Variants in FCHO2 observed in about 807,000 individuals in gnomAD.
FCHO2 encodes the protein F-BAR domain only protein 2.
A neutral mutation model predicts 114.1 loss-of-function variants in FCHO2; 43 were observed. That is an observed-to-expected ratio of 0.38 (90% confidence interval 0.30 to 0.49). The LOEUF (loss-of-function observed/expected upper bound fraction) is 0.49. FCHO2 is among the 20% of genes least tolerant of loss of function. The pLI, the probability that FCHO2 is intolerant of heterozygous loss-of-function variation, is 0.97. For missense variants in FCHO2, 807 were observed against 950.4 expected, an observed-to-expected ratio of 0.85 and a Z score of 1.98; for synonymous variants, 293 against 315.2, an observed-to-expected ratio of 0.93 and a Z score of 0.75.
chr5:73,054,323 G>A (rs7717484), intron 14 of FCHO2, among the ~76,000 whole-genome samples, 152 bp downstream of exon 14: 2,041 of 152,068 alleles, frequency 0.013, 58 homozygotes, highest in African/African-American at 0.047. Flanking sequence ...AAAACATTAG[G>A]TGTTAAAACT....
intron 2 of FCHO2, among the ~76,000 whole-genome samples, chr5:72,978,328 C>G (rs1398536260): frequency 6.6e-6 from 1 of 152,144 alleles, no homozygotes; most frequent in East Asian, 1.9e-4. Context: ...CTTCACATCT[C>G]TTGTAAGTTG....
Position 73,052,341 on chromosome 5 carries a change from A to C in FCHO2, c.1007A>C (p.Glu336Ala), listed in dbSNP as rs543220430. Reference protein sequence around the residue: ...KPETNQNDTKENHFYSSSDSD... With the variant: ...KPETNQNDTKANHFYSSSDSD... ...TTTAACTGAAACTCACATACCAAAG[A>C]GAACCATTTCTACTCATCTAGTGAT... Residue 336 changes from glutamate (E) to alanine (A), a missense_variant, in exon 13 of 26, where the codon GAG becomes GCG. Glu to Ala is a moderately radical substitution (Grantham distance 107). Coordinates refer to ENST00000430046, the MANE Select transcript of FCHO2 (RefSeq NM_138782.3). 1.2e-6 allele frequency: 2 copies of C among 1,606,198 alleles called. No individual in the cohort carries two copies. Among genetic ancestry groups the C allele is most frequent in the Non-Finnish European group, 1.7e-6 (2 of 1,176,536 alleles).
chr5:72,990,376 A>G, intron 3 of FCHO2, 102 bp from the exon 4 acceptor site: 1 of 809,216 alleles, frequency 1.2e-6, no homozygotes, highest in Non-Finnish European at 1.9e-6. Context: ...GCCTAAATAA[A>G]GTTGCCATAT....
intron 1 of FCHO2, 100 bp from the exon 2 acceptor site, chr5:72,968,398 C>G (rs1474695679): frequency 4.0e-6 from 3 of 745,066 alleles, no homozygotes; most frequent in Non-Finnish European, 6.1e-6. Context: ...AAACACCTCA[C>G]CTGAGCACAG....
intron 1 of FCHO2, among the ~76,000 whole-genome samples, chr5:72,966,215 A>C (rs1031560624): frequency 3.3e-5 from 5 of 152,222 alleles, no homozygotes. Context: ...CTGTTTCTAC[A>C]TAAACTTTTT....
At position 73,015,619 on chromosome 5, in the gene FCHO2, T is replaced by C. The variant is rs1335265577; in HGVS notation, c.601-7T>C. On this transcript the variant is annotated splice_polypyrimidine_tract_variant and splice_region_variant and intron_variant, in intron 6 of 25. Transcript: ENST00000430046. ...TATAAATCTATAACTTTGTATATGTTACCCAGAAATTTCAAGATATTGAAG... is the reference window on the plus strand; with the variant it reads ...TATAAATCTATAACTTTGTATATGTCACCCAGAAATTTCAAGATATTGAAG... 6.7e-7 allele frequency: 1 copy of C among 1,495,158 alleles called. No homozygotes were observed. Among genetic ancestry groups the C allele is most frequent in the Admixed American group, 2.1e-5 (1 of 48,662 alleles). 92.6% of individuals were successfully genotyped at this position (1,495,158 alleles called of 1,614,324 possible).
At chr5:72,996,413 A>G (rs1211560668) in intron 5 of FCHO2, among the ~76,000 whole-genome samples, 2 of 152,212 alleles carry the variant, frequency 1.3e-5, no homozygotes, top group Non-Finnish European at 2.9e-5. Context: ...GAGTAAATGT[A>G]AAAAGCATAA....
intron 5 of FCHO2, among the ~76,000 whole-genome samples, chr5:72,993,183 C>A (rs564326241): frequency 6.6e-6 from 1 of 151,070 alleles, no homozygotes; most frequent in African/African-American, 2.4e-5. Flanking sequence ...AGAAATTAAA[C>A]GTAATGAAAC....
chr5:73,068,923 CT>C, intron 19 of FCHO2, 144 bp downstream of exon 19: 1 of 933,750 alleles, frequency 1.1e-6, no homozygotes, highest in Non-Finnish European at 1.5e-6. Context: ...ATTTATTAAA[CT>C]GTCCATGCTT....
chr5:72,989,795 G>A (rs1469853250), intron 3 of FCHO2, among the ~76,000 whole-genome samples: 1 of 152,036 alleles, frequency 6.6e-6, no homozygotes, highest in Non-Finnish European at 1.5e-5. Flanking sequence ...ATTTATTCTA[G>A]TTGTCTGTAA....
intron 24 of FCHO2, among the ~76,000 whole-genome samples, chr5:73,083,540 C>A (rs1743192349): frequency 1.3e-5 from 2 of 152,134 alleles, no homozygotes; most frequent in African/African-American, 4.8e-5. Flanking sequence ...TTAGTTCATT[C>A]TGTTAACGGG....
At chr5:73,087,483 T>A (rs1035342646) in intron 24 of FCHO2, 106 bp from the exon 25 acceptor site, 1 of 1,279,776 alleles carries the variant, frequency 7.8e-7, no homozygotes, top group African/African-American at 1.5e-5. Context: ...GCACATCTAA[T>A]GAATGTAGCA....
intron 2 of FCHO2, among the ~76,000 whole-genome samples, chr5:72,980,104 A>G (rs987533562): frequency 1.3e-5 from 2 of 152,104 alleles, no homozygotes; most frequent in Admixed American, 6.6e-5. Flanking sequence ...TTTCCCTCTA[A>G]ACACTGTTTC....
At chr5:73,002,999 T>C (rs1754526354) in intron 5 of FCHO2, among the ~76,000 whole-genome samples, 1 of 152,174 alleles carries the variant, frequency 6.6e-6, no homozygotes, top group South Asian at 2.1e-4. Flanking sequence ...TTTCCCGTTT[T>C]ATTTTTATGA....
chr5:73,035,625 C>T (rs1176363762), intron 9 of FCHO2, among the ~76,000 whole-genome samples: 2 of 152,028 alleles, frequency 1.3e-5, no homozygotes, highest in Non-Finnish European at 2.9e-5. Context: ...ACCTCAGCCC[C>T]AAAATTAGCT....
At chr5:73,015,312 C>T (rs1755249529) in intron 6 of FCHO2, among the ~76,000 whole-genome samples, 1 of 151,264 alleles carries the variant, frequency 6.6e-6, no homozygotes, top group South Asian at 2.1e-4. Flanking sequence ...GCCCAGGCTC[C>T]AGTGCAGTGG....
In FCHO2 at chr5:72,974,864, G is replaced by A. The variant is rs961719827; in HGVS notation, c.125+6275G>A. Among the ~76,000 whole-genome samples the A allele has an allele frequency of 2.0e-5, 3 of 152,224 alleles. No homozygotes were observed. In the East Asian group the frequency reaches 5.8e-4, roughly 29 times the overall value. Reference sequence around the variant, plus strand: ...TACTGGTTGTTCCTTTCCATGTTTAGCGCTTCCTTCGGGAGCTCTTGTAGG... The same window carrying A: ...TACTGGTTGTTCCTTTCCATGTTTAACGCTTCCTTCGGGAGCTCTTGTAGG... On this transcript the variant is annotated intron_variant, in intron 2 of 25. Transcript: ENST00000430046.
chr5:73,021,858 A>G (rs1755645137), intron 8 of FCHO2, among the ~76,000 whole-genome samples: 1 of 152,212 alleles, frequency 6.6e-6, no homozygotes, highest in Admixed American at 6.5e-5. Flanking sequence ...AGTGAATGCT[A>G]AATAATTATG....
rs141589804 is a variant in FCHO2, at chr5:72,962,696, C to T, written c.34-5802C>T. ...GACCATGAGGTCAAGAGATCAAGAC[C>T]ATCCTAGCCAACATGGTGAAACCCC... On this transcript the variant is annotated intron_variant, in intron 1 of 25. Transcript: ENST00000430046. Among the ~76,000 whole-genome samples the T allele has an allele frequency of 7.7e-3, 1,172 of 152,144 alleles. 13 individuals carry two copies. Among genetic ancestry groups the T allele is most frequent in the African/African-American group, 0.027 (1,121 of 41,516 alleles).
Sources: allele counts gnomAD v4.1 joint callset (sites outside exome capture counted in the v4.1 genomes callset), GRCh38; gene constraint gnomAD v4.1.1; transcripts MANE v1.5; gene names NCBI Gene and HGNC (gene_info 2026-07-23, HGNC 2026-07-21).